CNKSR2: variants seen among roughly 807,000 people sequenced by gnomAD.
CNKSR2 encodes connector enhancer of kinase suppressor of Ras 2, also known as CNK homolog protein 2.
CNKSR2 carries 14 observed loss-of-function variants against 84.4 expected under a neutral mutation model. The ratio of observed to expected loss-of-function variants is 0.17; its 90% CI spans 0.11 to 0.26. The LOEUF (loss-of-function observed/expected upper bound fraction) is 0.26. Ranked by LOEUF, CNKSR2 falls within the 10% of genes least tolerant of loss-of-function variation. The pLI is 1.00. For synonymous variants in CNKSR2, 275 were observed against 277.9 expected, an observed-to-expected ratio of 0.99 and a Z score of 0.10; for missense variants, 485 against 771.2, an observed-to-expected ratio of 0.63 and a Z score of 4.40.
intron 1 of CNKSR2, among the ~76,000 whole-genome samples, chrX:21,397,632 A>G (rs1381856437): frequency 9.0e-6 from 1 of 111,156 alleles, no homozygotes; most frequent in Non-Finnish European, 1.9e-5. Context: ...AGGTTGGTTA[A>G]TGGATACAAA....
chrX:21,463,043 A>T (rs1305664005), intron 4 of CNKSR2, among the ~76,000 whole-genome samples: 1 of 110,096 alleles, frequency 9.1e-6, no homozygotes, highest in African/African-American at 3.3e-5. Context: ...TTATGAAGGG[A>T]TGTTGAATTG....
At chrX:21,387,303 G>T (rs1202899132) in intron 1 of CNKSR2, among the ~76,000 whole-genome samples, 1 of 110,945 alleles carries the variant, frequency 9.0e-6, no homozygotes, top group Non-Finnish European at 1.9e-5. Flanking sequence ...GCAACATGAC[G>T]AAACTCTGTC....
chrX:21,555,155 A>T (rs2092128185), intron 11 of CNKSR2, among the ~76,000 whole-genome samples: 1 of 110,783 alleles, frequency 9.0e-6, no homozygotes, highest in Non-Finnish European at 1.9e-5. Flanking sequence ...TCTTCTTTTG[A>T]AAAGTGTCTG....
chrX:21,429,446 T>C lies in CNKSR2; in HGVS notation c.228+2786T>C, dbSNP rs1446086300. 3.6e-5 allele frequency: 4 copies of C among 111,837 alleles called. No individual in the cohort carries two copies. The East Asian group carries it at 1.1e-3, about 31-fold the overall frequency. 9.2% of individuals were successfully genotyped at this position (111,837 alleles called of 1,213,427 possible). ...GGCAGTGCCCTCCGTACCCCTGGCC[T>C]AACACAAAAGGTGCTTGATATACTT... On this transcript the variant is annotated intron_variant, in intron 2 of 21. Transcript: ENST00000379510.
At chrX:21,629,125 A>G (rs1295999193) in intron 20 of CNKSR2, among the ~76,000 whole-genome samples, 1 of 112,386 alleles carries the variant, frequency 8.9e-6, no homozygotes, top group Non-Finnish European at 1.9e-5. Context: ...CTCTTTGCTA[A>G]AACATAATAA....
intron 1 of CNKSR2, among the ~76,000 whole-genome samples, chrX:21,391,272 C>T (rs1173644052): frequency 8.9e-6 from 1 of 112,578 alleles, no homozygotes; most frequent in Non-Finnish European, 1.9e-5. Context: ...GTGTGTGGGC[C>T]CCACATTTCC....
intron 8 of CNKSR2, among the ~76,000 whole-genome samples, chrX:21,510,473 C>G (rs754123860): frequency 4.9e-4 from 55 of 111,281 alleles, no homozygotes; most frequent in African/African-American, 1.7e-3. Context: ...AAATAACTCA[C>G]CAGCTGTTAT....
At chrX:21,389,688 C>G (rs182595747) in intron 1 of CNKSR2, among the ~76,000 whole-genome samples, 331 of 112,051 alleles carry the variant, frequency 3.0e-3, no homozygotes, top group Non-Finnish European at 5.2e-3. Flanking sequence ...ATTGTGATAA[C>G]CCAGTACTAC....
At chrX:21,412,603 A>G (rs1214985881) in intron 1 of CNKSR2, among the ~76,000 whole-genome samples, 3 of 111,834 alleles carry the variant, frequency 2.7e-5, no homozygotes, top group Admixed American at 9.5e-5. Flanking sequence ...AATTTAGCAA[A>G]TCATTGCCAC....
Position 21,512,491 on chromosome X carries a change from GC to G in CNKSR2, c.811-3992del, listed in dbSNP as rs768849217. Among the ~76,000 whole-genome samples the G allele has an allele frequency of 9.0e-5, 10 of 111,707 alleles. No homozygotes were observed. In the East Asian group the frequency reaches 2.0e-3, roughly 22 times the overall value. On this transcript the variant is annotated intron_variant, in intron 8 of 21. Transcript: ENST00000379510. ...GATTGGTTATTTGTTCCTTAGTTGG[GC>G]CTTTGGAGAGCTATTAAAGGTTTTG...
chrX:21,645,189 C>T (rs958999481), intron 20 of CNKSR2: 2 of 111,402 alleles, frequency 1.8e-5, no homozygotes, highest in Admixed American at 9.6e-5. Context: ...TCTTTCACCC[C>T]GTCAAGTATG....
intron 20 of CNKSR2, among the ~76,000 whole-genome samples, chrX:21,635,514 A>G (rs2092668349): frequency 9.5e-6 from 1 of 105,436 alleles, no homozygotes; most frequent in Non-Finnish European, 1.9e-5. Context: ...ATATATGTAT[A>G]TGTGTATATA....
chrX:21,468,404 T>C (rs1384314416), intron 4 of CNKSR2, among the ~76,000 whole-genome samples: 1 of 111,411 alleles, frequency 9.0e-6, no homozygotes, highest in Non-Finnish European at 1.9e-5. Context: ...TATTATCCTT[T>C]TAGATGCTCA....
chrX:21,541,926 T>C (rs1274115836), intron 11 of CNKSR2, among the ~76,000 whole-genome samples: 1 of 111,835 alleles, frequency 8.9e-6, no homozygotes, highest in East Asian at 2.8e-4. Context: ...TAATTGTAGG[T>C]AAATAATTTC....
chrX:21,597,224 T>C (rs746545544), intron 17 of CNKSR2, among the ~76,000 whole-genome samples: 2 of 111,766 alleles, frequency 1.8e-5, no homozygotes, highest in Non-Finnish European at 3.8e-5. Context: ...TGGCCCTCAT[T>C]ACCCACCCCA....
intron 3 of CNKSR2, among the ~76,000 whole-genome samples, chrX:21,437,234 A>T (rs2090718318): frequency 9.0e-6 from 1 of 110,846 alleles, no homozygotes; most frequent in African/African-American, 3.3e-5. Flanking sequence ...AAAACAAAAC[A>T]AAACAAACAT....
chrX:21,458,519 C>T (rs2091021005), intron 4 of CNKSR2, among the ~76,000 whole-genome samples: 1 of 111,921 alleles, frequency 8.9e-6, no homozygotes, highest in South Asian at 3.7e-4. Context: ...ATGGAATAGT[C>T]CCTCTCCCCT....
At chrX:21,546,342 A>C (rs1330671245) in intron 11 of CNKSR2, among the ~76,000 whole-genome samples, 1 of 109,028 alleles carries the variant, frequency 9.2e-6, no homozygotes, top group African/African-American at 3.3e-5. Flanking sequence ...GATCAACTTA[A>C]TGAAATAAAG....
At chrX:21,539,247 AT>A (rs1267063785) in intron 11 of CNKSR2, among the ~76,000 whole-genome samples, 1 of 111,292 alleles carries the variant, frequency 9.0e-6, no homozygotes, top group African/African-American at 3.3e-5. Context: ...ACCTGTCTTT[AT>A]ATTCAGAAAT....
Sources: allele counts gnomAD v4.1 joint callset (sites outside exome capture counted in the v4.1 genomes callset), GRCh38; gene constraint gnomAD v4.1.1; transcripts MANE v1.5; gene names NCBI Gene and HGNC (gene_info 2026-07-23, HGNC 2026-07-21).